Variants in PTPRR observed in about 807,000 individuals in gnomAD.
PTPRR encodes protein tyrosine phosphatase receptor type R.
PTPRR carries 38 observed loss-of-function variants against 77.2 expected under a neutral mutation model. The ratio of observed to expected loss-of-function variants is 0.49; its 90% confidence interval spans 0.38 to 0.65. The LOEUF (loss-of-function observed/expected upper bound fraction) is 0.65. Ranked by LOEUF, PTPRR falls within the 30% of genes least tolerant of loss-of-function variation. The pLI is 0.00. For missense variants in PTPRR, 744 were observed against 799.2 expected, an observed-to-expected ratio of 0.93 and a Z score of 0.83; for synonymous variants, 299 against 283.1, an observed-to-expected ratio of 1.06 and a Z score of -0.57.
Position 70,916,519 on chromosome 12 carries a change from G to A in PTPRR, c.58+3814C>T, listed in dbSNP as rs535338475. On this transcript the variant is annotated intron_variant, in intron 1 of 13. Coordinates refer to ENST00000283228, the MANE Select transcript of PTPRR (RefSeq NM_002849.4). ...TTAGTCTATCGTTTCTTTTGAGGGTGGTACTTCTGCAAATCATCTCCCAGA... is the reference window on the plus strand; with the variant it reads ...TTAGTCTATCGTTTCTTTTGAGGGTAGTACTTCTGCAAATCATCTCCCAGA... Among the ~76,000 whole-genome samples the A allele has an allele frequency of 2.0e-5, 3 of 151,966 alleles. No individual in the cohort carries two copies. The East Asian group carries it at 5.8e-4, about 29-fold the overall frequency.
chr12:70,881,113 A>G (rs1041031156), intron 2 of PTPRR, among the ~76,000 whole-genome samples: 8 of 152,212 alleles, frequency 5.3e-5, no homozygotes, highest in African/African-American at 1.9e-4. Flanking sequence ...AAAACAGACC[A>G]GCTTCAAAAA....
chr12:70,814,764 C>G (rs150403709), intron 2 of PTPRR, among the ~76,000 whole-genome samples: 6 of 152,304 alleles, frequency 3.9e-5, no homozygotes, highest in Admixed American at 1.3e-4. Flanking sequence ...GTAAACTGCT[C>G]TGGTTCCACC....
chr12:70,737,748 C>G (rs1361850825), intron 6 of PTPRR, among the ~76,000 whole-genome samples: 1 of 152,116 alleles, frequency 6.6e-6, no homozygotes. Flanking sequence ...GTCTCAAACT[C>G]CTGGCTTCAA....
intron 2 of PTPRR, among the ~76,000 whole-genome samples, chr12:70,787,094 T>C (rs1891338762): frequency 6.6e-6 from 1 of 152,202 alleles, no homozygotes; most frequent in Non-Finnish European, 1.5e-5. Context: ...CTGAGTGATG[T>C]TGTCTGCAGC....
At position 70,639,228 on chromosome 12, in the gene PTPRR, G is replaced by C. The variant is rs1440892792; in HGVS notation, c.1930C>G (p.Leu644Val). ...GAAAGTCTGCTCTCATACAGGCACAGAGCATGGTGCACAAATTCATACTGC... is the reference window on the plus strand; with the variant it reads ...GAAAGTCTGCTCTCATACAGGCACACAGCATGGTGCACAAATTCATACTGC... ...SEQYEFVHHA[L>V]CLYESRLSAE... Residue 644 changes from leucine (L) to valine (V), a missense_variant, in exon 14 of 14, where the codon CTG becomes GTG. Around this residue, in one of 3 missense-constraint regions of PTPRR, gnomAD observed 170 missense variants for 209.8 expected, o/e 0.81. Coordinates refer to ENST00000283228, the MANE Select transcript of PTPRR (RefSeq NM_002849.4). The C allele has an allele frequency of 6.2e-7, 1 of 1,613,578 alleles. No homozygotes were observed. The highest frequency in any genetic ancestry group is 1.1e-5 in the South Asian group (1 of 91,082).
rs184740811 is a variant in PTPRR, at chr12:70,650,780, T to G, written c.1880+5924A>C. On this transcript the variant is annotated intron_variant, in intron 13 of 13. Coordinates refer to ENST00000283228, the MANE Select transcript of PTPRR (RefSeq NM_002849.4). ...ACAGGATGCAGGCCCATCTATTAGG[T>G]TGGTGCAAAAATAATTATAATAGCA... Among the ~76,000 whole-genome samples the G allele has an allele frequency of 2.0e-5, 3 of 152,204 alleles. No individual in the cohort carries two copies. In the East Asian group the frequency reaches 5.8e-4, roughly 29 times the overall value.
intron 6 of PTPRR, among the ~76,000 whole-genome samples, chr12:70,718,275 T>G (rs898981875): frequency 1.3e-5 from 2 of 152,126 alleles, no homozygotes; most frequent in Non-Finnish European, 2.9e-5. Flanking sequence ...ACTGTTTTTT[T>G]TTTTTCTTGA....
rs138017922 is a variant in PTPRR at position 70,677,433 on chromosome 12, A to G, written c.1497+6694T>C. On this transcript the variant is annotated intron_variant, in intron 10 of 13. Transcript: ENST00000283228. ...TTTCTCTTGCCTGATTACTCTGGCT[A>G]GGACCCCCAGTACTATGTTGAATAG... Among the ~76,000 whole-genome samples the G allele has an allele frequency of 5.8e-3, 890 of 152,254 alleles. 8 individuals carry two copies. The highest frequency in any genetic ancestry group is 0.024 in the Middle Eastern group (7 of 294).
chr12:70,813,833 C>T (rs933738380), intron 2 of PTPRR, among the ~76,000 whole-genome samples: 1 of 152,178 alleles, frequency 6.6e-6, no homozygotes, highest in Non-Finnish European at 1.5e-5. Flanking sequence ...ATAGAACGAT[C>T]GCTTGCTCTA....
At chr12:70,661,463 C>A (rs1250367546) in intron 11 of PTPRR, among the ~76,000 whole-genome samples, 1 of 152,096 alleles carries the variant, frequency 6.6e-6, no homozygotes, top group Admixed American at 6.5e-5. Flanking sequence ...GCTCTATGAG[C>A]ATTCCTGACA....
intron 6 of PTPRR, among the ~76,000 whole-genome samples, chr12:70,708,356 G>A (rs981924091): frequency 7.2e-5 from 11 of 151,976 alleles, no homozygotes; most frequent in African/African-American, 1.2e-4. Context: ...GGAATTGGGG[G>A]GACTATATTA....
At chr12:70,773,604 G>A (rs781388958) in intron 2 of PTPRR, among the ~76,000 whole-genome samples, 3 of 152,072 alleles carry the variant, frequency 2.0e-5, no homozygotes, top group Non-Finnish European at 4.4e-5. Flanking sequence ...AAGTCTTGGT[G>A]AGGCAAAAAT....
intron 5 of PTPRR, among the ~76,000 whole-genome samples, chr12:70,750,189 C>T (rs1890345170): frequency 6.6e-6 from 1 of 151,986 alleles, no homozygotes. Flanking sequence ...AAACAATATG[C>T]CACTTTTCAA....
At chr12:70,772,811 A>G (rs940082634) in intron 2 of PTPRR, among the ~76,000 whole-genome samples, 9 of 152,328 alleles carry the variant, frequency 5.9e-5, no homozygotes, top group Admixed American at 5.2e-4. Context: ...TGGAGTATAT[A>G]GAAAGCTATA....
At chr12:70,815,115 T>A (rs1891878056) in intron 2 of PTPRR, among the ~76,000 whole-genome samples, 1 of 44,470 alleles carries the variant, frequency 2.2e-5, no homozygotes, top group Admixed American at 3.1e-4. Flanking sequence ...CTGAACATTC[T>A]AAGGAGAGAT....
chr12:70,821,599 T>C (rs780681435), intron 2 of PTPRR, among the ~76,000 whole-genome samples: 8 of 152,002 alleles, frequency 5.3e-5, no homozygotes, highest in Middle Eastern at 3.2e-3. Context: ...GAAAGGCTAG[T>C]GCAGCTGGAG....
intron 1 of PTPRR, among the ~76,000 whole-genome samples, chr12:70,901,764 C>G (rs2137127079): frequency 1.3e-5 from 2 of 151,708 alleles, no homozygotes; most frequent in East Asian, 3.9e-4. Context: ...GGGACTTAAT[C>G]ATTAATTTAA....
At chr12:70,733,017 C>A (rs1466280025) in intron 6 of PTPRR, among the ~76,000 whole-genome samples, 1 of 151,980 alleles carries the variant, frequency 6.6e-6, no homozygotes, top group East Asian at 1.9e-4. Context: ...TGAGGGAAAT[C>A]AAAGCCGAGA....
chr12:70,712,105 G>T (rs74516369), intron 6 of PTPRR, among the ~76,000 whole-genome samples: 15,184 of 152,012 alleles, frequency 0.1, 806 homozygotes, highest in South Asian at 0.16. Context: ...AGTAGGGAGT[G>T]GCTTCTTTTT....
Sources: allele counts gnomAD v4.1 joint callset (sites outside exome capture counted in the v4.1 genomes callset), GRCh38; gene constraint gnomAD v4.1.1; regional missense constraint gnomAD v4.1.1; transcripts MANE v1.5; gene names NCBI Gene and HGNC (gene_info 2026-07-23, HGNC 2026-07-21).